EHBP1: variants seen among roughly 807,000 people sequenced by gnomAD.
EHBP1 encodes the protein EH domain-binding protein 1.
Under a neutral mutation model 144.0 loss-of-function variants are expected in EHBP1, and 55 were observed. That is an observed-to-expected ratio of 0.38 (90% CI 0.31 to 0.48). The LOEUF is 0.48. Ranked by LOEUF, EHBP1 falls within the 20% of genes least tolerant of loss-of-function variation. The pLI is 0.98. For missense variants in EHBP1, 1,200 were observed against 1,364.2 expected (o/e 0.88, Z 1.90); for synonymous variants, 469 against 472.7 (o/e 0.99, Z 0.10).
chr2:62,901,940 G>A, intron 10 of EHBP1, among the ~76,000 whole-genome samples: 1 of 151,376 alleles, frequency 6.6e-6, no homozygotes, highest in East Asian at 1.9e-4. Flanking sequence ...ACTCCAGCCT[G>A]AGTGACAGAG....
chr2:62,791,734 T>G (rs2043180174), intron 5 of EHBP1, among the ~76,000 whole-genome samples: 1 of 152,000 alleles, frequency 6.6e-6, no homozygotes, highest in African/African-American at 2.4e-5. Context: ...ACTTTAAGTT[T>G]TCTTTATAGA....
In EHBP1 at chr2:62,900,080, AC is replaced by A. The variant is rs2053269892; in HGVS notation, c.1185+25550del. On this transcript the variant is annotated intron_variant, in intron 10 of 22. Coordinates refer to ENST00000431489, the MANE Select transcript of EHBP1 (RefSeq NM_001142616.3). ...TATTTACAAAAATAGGATTTGGAAA[AC>A]CTCTGTTCAGTAGTAAACTTTGCTA... 3.9e-5 allele frequency among the ~76,000 whole-genome samples: 6 copies of A among 152,134 alleles called. No individual in the cohort carries two copies. The South Asian group carries it at 1.2e-3, about 32-fold the overall frequency.
At position 62,874,447 on chromosome 2, in the gene EHBP1, C is replaced by T. The variant is rs200950880; in HGVS notation, c.1100C>T (p.Pro367Leu). ...GAAAGGCGAGTGAAAAGAAAGGCCC[C>T]GGCTCCACCAGTCCTCTCACCAAAA... ...ETERRVKRKAPAPPVLSPKTG... is the reference protein window; with the variant it reads ...ETERRVKRKALAPPVLSPKTG... Residue 367 changes from proline to leucine, a missense_variant, in exon 10 of 23, where the codon CCG (proline) becomes CTG (leucine). Transcript: ENST00000431489. 1.1e-4 allele frequency: 174 copies of T among 1,613,354 alleles called. No individual in the cohort carries two copies. Among genetic ancestry groups the T allele is most frequent in the African/African-American group, 5.2e-4 (39 of 74,998 alleles).
At chr2:63,016,551 C>T (rs1329065784) in intron 19 of EHBP1, among the ~76,000 whole-genome samples, 1 of 151,878 alleles carries the variant, frequency 6.6e-6, no homozygotes, top group Non-Finnish European at 1.5e-5. Flanking sequence ...CCACCTCAGC[C>T]CCCCGAGTAC....
intron 12 of EHBP1, among the ~76,000 whole-genome samples, chr2:62,946,432 T>C (rs1453428842): frequency 6.6e-6 from 1 of 152,232 alleles, no homozygotes; most frequent in African/African-American, 2.4e-5. Context: ...TGTTTTTACA[T>C]AGTCTTTCCT....
intron 15 of EHBP1, among the ~76,000 whole-genome samples, chr2:62,984,622 CATT>C (rs1418831933): frequency 6.6e-6 from 1 of 152,162 alleles, no homozygotes; most frequent in Non-Finnish European, 1.5e-5. Context: ...AAATATGTAA[CATT>C]AACTGTTCAG....
intron 2 of EHBP1, among the ~76,000 whole-genome samples, chr2:62,739,880 G>A (rs2038526243): frequency 6.6e-6 from 1 of 150,972 alleles, no homozygotes; most frequent in South Asian, 2.1e-4. Flanking sequence ...AGGCTGCAGT[G>A]GGCTATGATC....
intron 5 of EHBP1, among the ~76,000 whole-genome samples, chr2:62,793,900 G>C (rs2043347467): frequency 6.6e-6 from 1 of 152,106 alleles, no homozygotes; most frequent in African/African-American, 2.4e-5. Flanking sequence ...TTTTATGTCA[G>C]AGGAACTATC....
intron 3 of EHBP1, among the ~76,000 whole-genome samples, chr2:62,747,980 C>T (rs1441160805): frequency 6.6e-6 from 1 of 152,036 alleles, no homozygotes; most frequent in African/African-American, 2.4e-5. Flanking sequence ...ACTTCTAGCC[C>T]TTAGAACTGT....
intron 5 of EHBP1, among the ~76,000 whole-genome samples, chr2:62,788,403 G>T (rs917738816): frequency 4.0e-5 from 6 of 151,862 alleles, no homozygotes; most frequent in Non-Finnish European, 8.8e-5. Flanking sequence ...AGTATAGGTG[G>T]AGGGGTGGGT....
intron 5 of EHBP1, among the ~76,000 whole-genome samples, chr2:62,791,491 T>G (rs1041424352): frequency 6.6e-6 from 1 of 152,126 alleles, no homozygotes; most frequent in Admixed American, 6.5e-5. Context: ...AATCATACAC[T>G]TTGCTAATAT....
At chr2:63,044,227 G>A (rs1373356843) in intron 21 of EHBP1, 5 of 118,732 alleles carry the variant, frequency 4.2e-5, no homozygotes, top group Admixed American at 9.4e-5. Context: ...GACCAGCAAA[G>A]ATTAGGAAAT....
intron 2 of EHBP1, among the ~76,000 whole-genome samples, chr2:62,707,824 T>C (rs1183175222): frequency 6.6e-6 from 1 of 152,228 alleles, no homozygotes; most frequent in Non-Finnish European, 1.5e-5. Context: ...TTAGAAATTC[T>C]TTTGTTAAAT....
rs1454852902 is a variant in EHBP1, at chr2:62,833,319, C to A, written c.634+2161C>A. Among the ~76,000 whole-genome samples, 8 of 152,138 alleles carry A rather than the reference C, an allele frequency of 5.3e-5. 1 individual carries two copies. Among genetic ancestry groups the A allele is most frequent in the African/African-American group, 1.9e-4 (8 of 41,434 alleles). On this transcript the variant is annotated intron_variant, in intron 7 of 22. Transcript: ENST00000431489. ...AAGTAGTAAATGCTAATATAGAAGC[C>A]ACAGCAGGTTATCCAGAAGATCTCA...
At chr2:62,731,675 C>A (rs947591204) in intron 2 of EHBP1, among the ~76,000 whole-genome samples, 1 of 152,044 alleles carries the variant, frequency 6.6e-6, no homozygotes, top group South Asian at 2.1e-4. Flanking sequence ...TCTTCTTTAG[C>A]CTGTTGATAT....
intron 19 of EHBP1, among the ~76,000 whole-genome samples, chr2:63,013,223 A>T (rs1356116948): frequency 6.6e-6 from 1 of 152,212 alleles, no homozygotes; most frequent in African/African-American, 2.4e-5. Context: ...AAAGTAAATT[A>T]ATGTTTTAAT....
Position 62,707,076 on chromosome 2 carries a change from T to A in EHBP1, c.-116T>A. ...TATGGACCCCAAGCATCATTTCGAG[T>A]TGTAGTTGAGTTTTTAAAAGACATA... is the stretch of plus-strand genomic sequence containing the variant. On this transcript the variant is annotated 5_prime_UTR_variant, in exon 2 of 23. In the 5' UTR this introduces an upstream ATG that the reference lacks. Transcript: ENST00000431489. 4.1e-6 allele frequency: 3 copies of A among 726,134 alleles called. No individual in the cohort carries two copies. The Admixed American group carries it at 6.3e-5, about 15-fold the overall frequency. The allele number at this position is 726,134 out of a possible 1,614,324, so 45.0% of individuals were successfully genotyped here.
intron 13 of EHBP1, among the ~76,000 whole-genome samples, chr2:62,951,923 CAGTA>C (rs1298234257): frequency 6.6e-6 from 1 of 152,162 alleles, no homozygotes; most frequent in East Asian, 1.9e-4. Context: ...GACTGGGAAT[CAGTA>C]AGCCTGGAAT....
At chr2:62,821,188 T>C (rs556215571) in intron 5 of EHBP1, among the ~76,000 whole-genome samples, 36 of 152,094 alleles carry the variant, frequency 2.4e-4, no homozygotes, top group Admixed American at 2.2e-3. Flanking sequence ...TCCTCTTGCA[T>C]GGGAGAAAGG....
Sources: allele counts gnomAD v4.1 joint callset (sites outside exome capture counted in the v4.1 genomes callset), GRCh38; gene constraint gnomAD v4.1.1; transcripts MANE v1.5; gene names NCBI Gene and HGNC (gene_info 2026-07-23, HGNC 2026-07-21).